Variants in FRMPD3 observed in about 807,000 individuals in gnomAD.
FRMPD3 encodes FERM and PDZ domain-containing protein 3.
A neutral mutation model predicts 97.9 loss-of-function variants in FRMPD3; 42 were observed. The observed-to-expected ratio is 0.43, with a 90% CI of 0.34 to 0.55. The LOEUF is 0.55. Among genes scored for constraint, FRMPD3 ranks in the 20% least tolerant of loss-of-function variants. The pLI, the probability that FRMPD3 is intolerant of heterozygous loss-of-function variation, is 0.03. For missense variants in FRMPD3, 1,303 were observed against 1,457.7 expected, an observed-to-expected ratio of 0.89 and a Z score of 1.73; for synonymous variants, 577 against 581.1, an observed-to-expected ratio of 0.99 and a Z score of 0.10.
intron 1 of FRMPD3, among the ~76,000 whole-genome samples, chrX:107,505,900 A>T (rs1278795109): frequency 8.9e-6 from 1 of 111,818 alleles, no homozygotes; most frequent in Non-Finnish European, 1.9e-5. Flanking sequence ...AGTCAGAATC[A>T]GCCCCATGGG....
rs1319620253 is a variant in FRMPD3, at chrX:107,530,425, C to A, written c.165C>A (p.Asn55Lys). Reference protein sequence around the residue: ...RSVRPGGPSENKLLAGDQIVA... With the variant: ...RSVRPGGPSEKKLLAGDQIVA... ...CCTTTGCAGGAGGCCCCTCTGAGAA[C>A]AAGCTCCTGGCTGGTGACCAGATTG... is the stretch of plus-strand genomic sequence containing the variant. Residue 55 changes from asparagine (N) to lysine (K), a missense_variant, in exon 3 of 15, where the codon AAC (asparagine) becomes AAA (lysine). By Grantham distance (94) the Asn-to-Lys change is moderately conservative (BLOSUM62 0). Transcript: ENST00000683843. The A allele has an allele frequency of 8.4e-7, 1 of 1,192,399 alleles. No individual in the cohort carries two copies. Among genetic ancestry groups the A allele is most frequent in the Non-Finnish European group, 1.1e-6 (1 of 885,783 alleles).
chrX:107,465,523 T>G (rs1372761396), intron 1 of FRMPD3, among the ~76,000 whole-genome samples: 2 of 111,268 alleles, frequency 1.8e-5, no homozygotes, highest in Non-Finnish European at 3.8e-5. Flanking sequence ...CTCTCCTCTA[T>G]TCCCTCCACA....
intron 8 of FRMPD3, among the ~76,000 whole-genome samples, chrX:107,557,564 T>C (rs1922129223): frequency 9.3e-6 from 1 of 107,598 alleles, no homozygotes; most frequent in Non-Finnish European, 1.9e-5. Context: ...AATTTTCCCC[T>C]ATTTTTTTCT....
intron 12 of FRMPD3, among the ~76,000 whole-genome samples, chrX:107,569,835 G>A (rs1285367972): frequency 1.8e-5 from 2 of 110,937 alleles, no homozygotes; most frequent in African/African-American, 6.6e-5. Flanking sequence ...GACCAACATG[G>A]CGAAACTCTG....
intron 13 of FRMPD3, among the ~76,000 whole-genome samples, chrX:107,584,449 T>C (rs1449697227): frequency 2.7e-5 from 3 of 112,071 alleles, no homozygotes; most frequent in African/African-American, 9.7e-5. Flanking sequence ...TTAGTTTAAT[T>C]AGATCCCATT....
chrX:107,465,654 G>T (rs1163318025), intron 1 of FRMPD3, among the ~76,000 whole-genome samples: 1 of 111,132 alleles, frequency 9.0e-6, no homozygotes, highest in African/African-American at 3.3e-5. Flanking sequence ...AAACAGCCAG[G>T]TCACCAGGGT....
intron 13 of FRMPD3, among the ~76,000 whole-genome samples, chrX:107,582,978 G>C (rs1224599879): frequency 8.9e-6 from 1 of 112,056 alleles, no homozygotes; most frequent in Non-Finnish European, 1.9e-5. Context: ...AATATTGATT[G>C]AGTCTTCCAA....
chrX:107,512,972 T>C (rs1922205550), intron 1 of FRMPD3: 1 of 112,634 alleles, frequency 8.9e-6, no homozygotes, highest in South Asian at 3.7e-4. Flanking sequence ...TTTAGGAGCA[T>C]GTCTGGACCT....
At chrX:107,520,268 A>G (rs988537994) in intron 1 of FRMPD3, among the ~76,000 whole-genome samples, 1 of 110,818 alleles carries the variant, frequency 9.0e-6, no homozygotes, top group East Asian at 2.8e-4. Flanking sequence ...TACAGACAGC[A>G]TTGAAGTGGC....
intron 4 of FRMPD3, among the ~76,000 whole-genome samples, chrX:107,542,855 T>TA (rs1183427001): frequency 8.9e-6 from 1 of 112,030 alleles, no homozygotes; most frequent in African/African-American, 3.2e-5. Context: ...GCAAGGCCCA[T>TA]AGGGGTGGTG....
chrX:107,495,709 T>C (rs1319937020), intron 1 of FRMPD3, among the ~76,000 whole-genome samples: 3 of 112,173 alleles, frequency 2.7e-5, no homozygotes, highest in Non-Finnish European at 5.6e-5. Flanking sequence ...ATGCACAAAA[T>C]GTTCCTGGTT....
intron 8 of FRMPD3, among the ~76,000 whole-genome samples, chrX:107,558,376 C>A (rs928770077): frequency 9.0e-6 from 1 of 111,173 alleles, no homozygotes; most frequent in Non-Finnish European, 1.9e-5. Context: ...TCTGTAATTG[C>A]AGCACTTTGG....
Position 107,533,568 on chromosome X carries a change from C to T in FRMPD3, c.297+18C>T. 8.4e-7 allele frequency: 1 copy of T among 1,188,122 alleles called. No homozygotes were observed. The highest frequency in any genetic ancestry group is 1.1e-6 in the Non-Finnish European group (1 of 876,997). Reference sequence around the variant, plus strand: ...CTCATCAGGTGAGTGAGCCTCTTTGCCATCTGCCCTTCCTCCTGACTGAGA... The same window carrying T: ...CTCATCAGGTGAGTGAGCCTCTTTGTCATCTGCCCTTCCTCCTGACTGAGA... On this transcript the variant is annotated intron_variant, in intron 4 of 14. Coordinates refer to ENST00000683843, the MANE Select transcript of FRMPD3 (RefSeq NM_001388459.1).
chrX:107,463,369 T>C (rs1369671466), intron 1 of FRMPD3, among the ~76,000 whole-genome samples: 1 of 112,590 alleles, frequency 8.9e-6, no homozygotes, highest in Non-Finnish European at 1.9e-5. Flanking sequence ...ATGTTGCCTC[T>C]TACAGTTGAT....
chrX:107,491,221 A>C (rs1921648376), intron 1 of FRMPD3, among the ~76,000 whole-genome samples: 1 of 112,039 alleles, frequency 8.9e-6, no homozygotes, highest in African/African-American at 3.2e-5. Context: ...TTGTTGTCAT[A>C]ATGTCATCAT....
rs755756424 is a variant in FRMPD3, at chrX:107,602,127, G to A, written c.4088G>A (p.Arg1363Gln). The change falls in exon 15 of 15, where the codon CGA becomes CAA. Residue 1363 changes from arginine (R) to glutamine (Q), a missense_variant. Arg to Gln is a conservative substitution (Grantham distance 43). Coordinates refer to ENST00000683843, the MANE Select transcript of FRMPD3 (RefSeq NM_001388459.1). ...RSTSLESREC[R>Q]SDPESGVSCL... ...ACCAGCCTGGAGTCCCGAGAGTGCC[G>A]ATCGGACCCTGAGAGTGGTGTTTCG... The A allele has an allele frequency of 8.3e-6, 10 of 1,210,598 alleles. No individual in the cohort carries two copies. The highest frequency in any genetic ancestry group is 5.9e-5 in the East Asian group (2 of 33,829).
chrX:107,593,676 G>T (rs765751501), intron 13 of FRMPD3, among the ~76,000 whole-genome samples: 1 of 111,460 alleles, frequency 9.0e-6, no homozygotes, highest in South Asian at 3.8e-4. Flanking sequence ...TTATGTTTTT[G>T]TTTGCTCTGT....
At position 107,597,335 on chromosome X, in the gene FRMPD3, G is replaced by T. The variant is rs745907149; in HGVS notation, c.1456G>T (p.Ala486Ser). The T allele has an allele frequency of 8.3e-7, 1 of 1,203,695 alleles. No homozygotes were observed. Among genetic ancestry groups the T allele is most frequent in the African/African-American group, 1.7e-5 (1 of 57,501 alleles). The change falls in exon 14 of 15, where the codon GCC becomes TCC. Residue 486 changes from alanine to serine, a missense_variant. By Grantham distance (99) the Ala-to-Ser change is moderately conservative. Coordinates refer to ENST00000683843, the MANE Select transcript of FRMPD3 (RefSeq NM_001388459.1). Reference sequence around the variant, plus strand: ...TCTGGGTTTAGATTACATGCACAGCGCCCACCGCCCTGTCACTGGGGGCCA... The same window carrying T: ...TCTGGGTTTAGATTACATGCACAGCTCCCACCGCCCTGTCACTGGGGGCCA... ...PMIKADYMHSAHRPVTGGHLG... is the reference protein window; with the variant it reads ...PMIKADYMHSSHRPVTGGHLG...
At chrX:107,568,176 A>G (rs1199798109) in intron 12 of FRMPD3, among the ~76,000 whole-genome samples, 1 of 111,112 alleles carries the variant, frequency 9.0e-6, no homozygotes, top group Non-Finnish European at 1.9e-5. Flanking sequence ...ACAGTCATTT[A>G]GTATGAACTT....
Sources: allele counts gnomAD v4.1 joint callset (sites outside exome capture counted in the v4.1 genomes callset), GRCh38; gene constraint gnomAD v4.1.1; transcripts MANE v1.5; gene names NCBI Gene and HGNC (gene_info 2026-07-23, HGNC 2026-07-21).